The following PPFIA2 variants were observed in gnomAD, a reference collection of about 807,000 sequenced individuals.
The protein encoded by PPFIA2 is liprin-alpha-2.
Under a neutral mutation model 175.5 loss-of-function variants are expected in PPFIA2, and 46 were observed. The ratio of observed to expected loss-of-function variants is 0.26; its 90% CI spans 0.21 to 0.34. PPFIA2 has a LOEUF of 0.34. PPFIA2 is among the 10% of genes least tolerant of loss of function. The pLI, the probability that PPFIA2 is intolerant of heterozygous loss-of-function variation, is 1.00. For synonymous variants in PPFIA2, 568 were observed against 511.4 expected (o/e 1.11, Z -1.49); for missense variants, 1,179 against 1,506.1 (o/e 0.78, Z 3.60).
chr12:81,431,339 C>A (rs2048059713), intron 7 of PPFIA2: 1 of 151,826 alleles, frequency 6.6e-6, no homozygotes, highest in Admixed American at 6.6e-5. Context: ...TTTTTTTTGG[C>A]TTTCCAATTT....
At chr12:81,298,602 T>A (rs2047055546) in intron 23 of PPFIA2, among the ~76,000 whole-genome samples, 1 of 152,198 alleles carries the variant, frequency 6.6e-6, no homozygotes, top group Admixed American at 6.5e-5. Context: ...GAAGGGGCAG[T>A]GAACAGTACT....
intron 22 of PPFIA2, among the ~76,000 whole-genome samples, chr12:81,313,312 C>T (rs956109575): frequency 1.3e-5 from 2 of 152,020 alleles, no homozygotes; most frequent in African/African-American, 4.8e-5. Flanking sequence ...ATTCCTATGT[C>T]AGAAATTAGG....
intron 4 of PPFIA2, among the ~76,000 whole-genome samples, chr12:81,643,288 A>G (rs888550873): frequency 6.6e-6 from 1 of 151,744 alleles, no homozygotes; most frequent in Non-Finnish European, 1.5e-5. Flanking sequence ...AGACATCAAG[A>G]AACTGAAAAA....
chr12:81,680,464 C>T (rs974081678), intron 3 of PPFIA2, among the ~76,000 whole-genome samples: 1 of 151,868 alleles, frequency 6.6e-6, no homozygotes, highest in African/African-American at 2.4e-5. Flanking sequence ...ATTACCAGTC[C>T]TAGTGAACAG....
intron 4 of PPFIA2, among the ~76,000 whole-genome samples, chr12:81,481,650 A>G (rs943356491): frequency 4.6e-5 from 7 of 152,116 alleles, no homozygotes; most frequent in Non-Finnish European, 1.0e-4. Context: ...AAGGAAATCC[A>G]TACTTCATCA....
intron 7 of PPFIA2, among the ~76,000 whole-genome samples, chr12:81,436,948 C>T (rs993145715): frequency 1.3e-5 from 2 of 152,104 alleles, no homozygotes; most frequent in African/African-American, 4.8e-5. Flanking sequence ...TTTACTTATG[C>T]AAGTGACTCT....
At chr12:81,474,854 C>T (rs1353186270) in intron 4 of PPFIA2, among the ~76,000 whole-genome samples, 1 of 152,072 alleles carries the variant, frequency 6.6e-6, no homozygotes, top group Non-Finnish European at 1.5e-5. Context: ...GTATAGATCA[C>T]TCTTAGAATC....
At chr12:81,362,965 G>C (rs979097827) in intron 14 of PPFIA2, among the ~76,000 whole-genome samples, 181 bp from the exon 15 acceptor site, 2 of 151,428 alleles carry the variant, frequency 1.3e-5, no homozygotes, top group Non-Finnish European at 3.0e-5. Flanking sequence ...GTGGATAGCA[G>C]AAATTAATAA....
At chr12:81,342,133 T>TC (rs2058207171) in intron 19 of PPFIA2, among the ~76,000 whole-genome samples, 1 of 152,108 alleles carries the variant, frequency 6.6e-6, no homozygotes, top group Non-Finnish European at 1.5e-5. Flanking sequence ...AAGAACACTT[T>TC]AGTACAGAAT....
intron 4 of PPFIA2, among the ~76,000 whole-genome samples, chr12:81,593,746 A>C (rs1340914649): frequency 1.3e-5 from 2 of 152,224 alleles, no homozygotes; most frequent in Admixed American, 1.3e-4. Flanking sequence ...TTGAGTGAAG[A>C]GGCAAAGACA....
intron 4 of PPFIA2, among the ~76,000 whole-genome samples, chr12:81,507,552 CCT>C (rs1179511087): frequency 2.0e-5 from 3 of 152,116 alleles, no homozygotes; most frequent in Non-Finnish European, 1.5e-5. Flanking sequence ...TCAATTAGCT[CCT>C]CTCTTTTATT....
chr12:81,346,998 T>G (rs564758488), intron 18 of PPFIA2, among the ~76,000 whole-genome samples: 3 of 152,102 alleles, frequency 2.0e-5, no homozygotes, highest in Non-Finnish European at 4.4e-5. Context: ...GTTGCCATGA[T>G]AGCTCACTGC....
intron 10 of PPFIA2, 109 bp downstream of exon 10, chr12:81,375,687 G>T: frequency 8.8e-7 from 1 of 1,131,048 alleles, no homozygotes; most frequent in Non-Finnish European, 1.3e-6. Context: ...AAATTTTAGA[G>T]AATGATTACT....
At chr12:81,450,862 C>T (rs1411445965) in intron 5 of PPFIA2, among the ~76,000 whole-genome samples, 19 of 152,124 alleles carry the variant, frequency 1.2e-4, no homozygotes, top group Non-Finnish European at 2.6e-4. Flanking sequence ...ATGTGGCTAG[C>T]CAGTTGACCC....
intron 3 of PPFIA2, among the ~76,000 whole-genome samples, chr12:81,734,434 G>A (rs944853149): frequency 6.6e-6 from 1 of 151,796 alleles, no homozygotes; most frequent in Admixed American, 6.6e-5. Context: ...ATACAAAGGG[G>A]GAGAGAGGCA....
chr12:81,722,211 C>T (rs931988555), intron 3 of PPFIA2, among the ~76,000 whole-genome samples: 3 of 150,980 alleles, frequency 2.0e-5, no homozygotes, highest in African/African-American at 7.3e-5. Flanking sequence ...CTTCCCCAAG[C>T]CCCACGTTTC....
At chr12:81,335,719 G>A (rs1473500407) in intron 21 of PPFIA2, among the ~76,000 whole-genome samples, 3 of 151,686 alleles carry the variant, frequency 2.0e-5, no homozygotes, top group South Asian at 2.1e-4. Context: ...CTCCAGCCTG[G>A]GTGACAGAGT....
chr12:81,490,600 A>G (rs888754230), intron 4 of PPFIA2, among the ~76,000 whole-genome samples: 4 of 151,956 alleles, frequency 2.6e-5, no homozygotes, highest in Non-Finnish European at 5.9e-5. Context: ...TTCATTAGAC[A>G]TAAATTGATG....
intron 22 of PPFIA2, among the ~76,000 whole-genome samples, chr12:81,313,981 A>C (rs1219216622): frequency 1.3e-5 from 2 of 151,992 alleles, no homozygotes; most frequent in African/African-American, 2.4e-5. Flanking sequence ...GATACTGCTC[A>C]AAAAGCATTG....
Sources: allele counts gnomAD v4.1 joint callset (sites outside exome capture counted in the v4.1 genomes callset), GRCh38; gene constraint gnomAD v4.1.1; transcripts MANE v1.5; gene names NCBI Gene and HGNC (gene_info 2026-07-23, HGNC 2026-07-21).